SPG11: variants seen among roughly 807,000 people sequenced by gnomAD.
The protein encoded by SPG11 is SPG11 vesicle trafficking associated, spatacsin, also known as spatacsin.
A neutral mutation model predicts 274.0 loss-of-function variants in SPG11; 222 were observed. That is an observed-to-expected ratio of 0.81 (90% CI 0.73 to 0.91). SPG11 has a LOEUF of 0.91. Among genes scored for constraint, SPG11 ranks in the 40% least tolerant of loss-of-function variants. SPG11 has a pLI of 0.00. For missense variants in SPG11, 3,114 were observed against 2,872.7 expected (o/e 1.08, Z -1.92); for synonymous variants, 1,144 against 1,039.7 (o/e 1.10, Z -1.93).
chr15:44,624,788 C>T (rs1037793195), intron 11 of SPG11, among the ~76,000 whole-genome samples: 5 of 152,068 alleles, frequency 3.3e-5, no homozygotes, highest in African/African-American at 1.2e-4. Context: ...ACCTTAAATA[C>T]ATGTAATTTT....
chr15:44,643,175 A>C (rs1192009475), intron 7 of SPG11, among the ~76,000 whole-genome samples: 1 of 152,204 alleles, frequency 6.6e-6, no homozygotes, highest in East Asian at 1.9e-4. Context: ...GTGAATTAAA[A>C]TCCTGGTGCT....
intron 7 of SPG11, among the ~76,000 whole-genome samples, chr15:44,641,922 G>GAAA (rs71111874): frequency 1.6e-3 from 92 of 55,872 alleles, no homozygotes; most frequent in East Asian, 7.9e-3. Context: ...CTGCTTAACA[G>GAAA]AAAAAAAAAA....
At chr15:44,615,593 G>A (rs780911902) in intron 15 of SPG11, 27 bp from the exon 16 acceptor site, 18 of 1,607,872 alleles carry the variant, frequency 1.1e-5, no homozygotes, top group South Asian at 6.6e-5. Context: ...AGGATGTCAA[G>A]TTAAAAAGTT....
intron 28 of SPG11, 72 bp downstream of exon 28, chr15:44,589,180 C>T (rs975284353): frequency 2.7e-6 from 4 of 1,500,260 alleles, no homozygotes; most frequent in African/African-American, 2.8e-5. Flanking sequence ...TTCCTAACTA[C>T]CCCTCTAAAG....
rs769002150 is a variant in SPG11, at chr15:44,572,827, A to G, written c.6206-7T>C. 3 of 1,613,946 alleles carry G rather than the reference A, an allele frequency of 1.9e-6. No homozygotes were observed. The highest frequency in any genetic ancestry group is 1.7e-5 in the Admixed American group (1 of 59,992). On this transcript the variant is annotated splice_polypyrimidine_tract_variant and splice_region_variant and intron_variant, in intron 32 of 39. Transcript: ENST00000261866. ...TTGAACATCTGCTTATGTCCTGTAC[A>G]GAGAGGTGTGAAGACAGGTGCTGGT...
rs1006117026 is a variant in SPG11 at position 44,584,377 on chromosome 15, C to G, written c.5303G>C (p.Ser1768Thr). 1 of 1,613,264 alleles carries G rather than the reference C, an allele frequency of 6.2e-7. No individual in the cohort carries two copies. The highest frequency in any genetic ancestry group is 1.7e-5 in the Admixed American group (1 of 59,916). The change falls in exon 30 of 40, where the codon AGC (serine) becomes ACC (threonine). Residue 1768 changes from serine (S) to threonine (T), a missense_variant. Transcript: ENST00000261866. ...GAGCAGCAGATGGCGCTCCTCCATG[C>G]TGCTCCATCCAGTTGGGTGCTCACA... Reference protein sequence around the residue: ...VACEHPTGWSSMEERHLLLTL... With the variant: ...VACEHPTGWSTMEERHLLLTL...
intron 7 of SPG11, among the ~76,000 whole-genome samples, chr15:44,642,854 A>G (rs1257112377): frequency 1.3e-5 from 2 of 152,178 alleles, no homozygotes; most frequent in African/African-American, 4.8e-5. Context: ...TGGGTGACAG[A>G]GCAAGACCCT....
At chr15:44,637,863 G>A (rs1039719544) in intron 7 of SPG11, among the ~76,000 whole-genome samples, 3 of 152,120 alleles carry the variant, frequency 2.0e-5, no homozygotes, top group African/African-American at 7.2e-5. Flanking sequence ...CGGTATTCCA[G>A]AAAAAGGCAT....
intron 7 of SPG11, 122 bp from the exon 8 acceptor site, chr15:44,633,759 C>A: frequency 1.1e-6 from 1 of 921,274 alleles, no homozygotes; most frequent in Non-Finnish European, 1.7e-6. Flanking sequence ...CAAAAGACTG[C>A]ATGAGTACAT....
At position 44,562,944 on chromosome 15, in the gene SPG11, TA is replaced by T; in HGVS notation, c.*176del. The T allele has an allele frequency of 1.6e-6, 1 of 607,932 alleles. No homozygotes were observed. Among genetic ancestry groups the T allele is most frequent in the Non-Finnish European group, 2.9e-6 (1 of 345,208 alleles). The allele number at this position is 607,932 out of a possible 1,614,324, so 37.7% of individuals were successfully genotyped here. A position where few individuals can be genotyped will look rare whatever the true frequency, so the allele number is the denominator to read the frequency against. ...ACAATCATCTAAAATCAATCTATTT[TA>T]AATAGGAATTTCCTCCTGAAAAGTT... On this transcript the variant is annotated 3_prime_UTR_variant, in exon 40 of 40. Coordinates refer to ENST00000261866, the MANE Select transcript of SPG11 (RefSeq NM_025137.4).
Position 44,652,177 on chromosome 15 carries a change from T to A in SPG11, c.959A>T (p.Asn320Ile). 6.2e-7 allele frequency: 1 copy of A among 1,614,056 alleles called. No homozygotes were observed. The highest frequency in any genetic ancestry group is 1.1e-5 in the South Asian group (1 of 91,070). The change falls in exon 5 of 40, where the codon AAC (asparagine) becomes ATC (isoleucine). Residue 320 changes from asparagine to isoleucine, a missense_variant. Physicochemically the swap from Asn to Ile is moderately radical, Grantham distance 149. Coordinates refer to ENST00000261866, the MANE Select transcript of SPG11 (RefSeq NM_025137.4). ...PKGVDEDDPV[N>I]SAYNMKLAKF... ...GGCCAGTTTCATGTTGTAGGCAGAG[T>A]TAACAGGATCATCTTCATCTACGCC... is the stretch of plus-strand genomic sequence containing the variant.
intron 2 of SPG11, 109 bp from the exon 3 acceptor site, chr15:44,659,412 C>G: frequency 1.1e-6 from 1 of 940,098 alleles, no homozygotes; most frequent in Non-Finnish European, 1.7e-6. Context: ...AGGAACTGGA[C>G]TTAGTCTAAC....
At chr15:44,638,142 G>A (rs1595910513) in intron 7 of SPG11, among the ~76,000 whole-genome samples, 1 of 152,370 alleles carries the variant, frequency 6.6e-6, no homozygotes, top group East Asian at 1.9e-4. Context: ...CAACGGACCT[G>A]TATTATTCAA....
chr15:44,589,648 G>A (rs2082853147), intron 27 of SPG11, among the ~76,000 whole-genome samples: 1 of 152,158 alleles, frequency 6.6e-6, no homozygotes, highest in African/African-American at 2.4e-5. Context: ...GGAAAGTTCT[G>A]GTATAGAGCT....
intron 7 of SPG11, among the ~76,000 whole-genome samples, chr15:44,645,363 T>G (rs1212228907): frequency 1.3e-5 from 2 of 152,136 alleles, no homozygotes; most frequent in African/African-American, 4.8e-5. Flanking sequence ...AAACAAACAA[T>G]GGGCAAAGAA....
chr15:44,617,445 A>T (rs937073811), intron 15 of SPG11, among the ~76,000 whole-genome samples: 4 of 152,174 alleles, frequency 2.6e-5, no homozygotes, highest in Non-Finnish European at 5.9e-5. Context: ...CCATATAGCT[A>T]TTCAGTTATT....
At chr15:44,648,704 CAG>C (rs1275096548) in intron 7 of SPG11, among the ~76,000 whole-genome samples, 160 bp downstream of exon 7, 3 of 152,030 alleles carry the variant, frequency 2.0e-5, no homozygotes, top group African/African-American at 4.8e-5. Context: ...AACTGCTAAG[CAG>C]AGTTAGGGTA....
rs1362698543 is a variant in SPG11 at position 44,633,529 on chromosome 15, A to AAT, written c.1710_1711insAT (p.Leu571IlefsTer8). The stretch of plus-strand genomic sequence containing the variant: ...CTTCTTAAATATAAATGGGATGACA[A>AAT]GTGATCAAACTGATCAGATACAGAA... On this transcript the variant is annotated frameshift_variant, in exon 8 of 40. Coordinates refer to ENST00000261866, the MANE Select transcript of SPG11 (RefSeq NM_025137.4). LOFTEE classifies it high-confidence loss of function. The AAT allele has an allele frequency of 6.2e-7, 1 of 1,603,586 alleles. No individual in the cohort carries two copies. Among genetic ancestry groups the AAT allele is most frequent in the Non-Finnish European group, 8.5e-7 (1 of 1,172,086 alleles).
chr15:44,585,822 A>G lies in SPG11; in HGVS notation c.4935T>C (p.Leu1645=). The G allele has an allele frequency of 1.2e-6, 2 of 1,614,034 alleles. No homozygotes were observed. The highest frequency in any genetic ancestry group is 1.7e-6 in the Non-Finnish European group (2 of 1,179,980). Residue 1645 remains leucine, a synonymous_variant, in exon 29 of 40, where the codon CTT becomes CTC. Coordinates refer to ENST00000261866, the MANE Select transcript of SPG11 (RefSeq NM_025137.4). ...DGPDVKKLCI[L]CQILKDTSIA... ...TGGATGTATCCTTCAAAATCTGGCA[A>G]AGGATGCAAAGCTTTTTCACATCTG...
Sources: allele counts gnomAD v4.1 joint callset (sites outside exome capture counted in the v4.1 genomes callset), GRCh38; gene constraint gnomAD v4.1.1; transcripts MANE v1.5; gene names NCBI Gene and HGNC (gene_info 2026-07-23, HGNC 2026-07-21).